The following GABRB1 variants were observed in gnomAD, a reference collection of about 807,000 sequenced individuals.
GABRB1 encodes the protein gamma-aminobutyric acid receptor subunit beta-1.
Under a neutral mutation model 51.6 loss-of-function variants are expected in GABRB1, and 17 were observed. The ratio of observed to expected loss-of-function variants is 0.33; its 90% CI spans 0.23 to 0.49. The LOEUF (loss-of-function observed/expected upper bound fraction) is 0.49, where lower values mean the gene tolerates loss of function less well. GABRB1 is among the 20% of genes least tolerant of loss of function. The pLI, the probability that GABRB1 is intolerant of heterozygous loss-of-function variation, is 0.99. For missense variants in GABRB1, 410 were observed against 600.6 expected (o/e 0.68, Z 3.32); for synonymous variants, 247 against 218.9 (o/e 1.13, Z -1.14).
At chr4:47,092,784 T>C (rs1336761319) in intron 3 of GABRB1, among the ~76,000 whole-genome samples, 1 of 151,912 alleles carries the variant, frequency 6.6e-6, no homozygotes, top group Non-Finnish European at 1.5e-5. Flanking sequence ...GCTAATTTTT[T>C]TGTGTTTTTT....
chr4:47,369,107 C>G (rs746764758), intron 5 of GABRB1, among the ~76,000 whole-genome samples: 1 of 150,314 alleles, frequency 6.7e-6, no homozygotes. Context: ...GACTCCGTCT[C>G]AATTTAAAAA....
At chr4:47,118,360 G>A (rs1715599222) in intron 3 of GABRB1, among the ~76,000 whole-genome samples, 1 of 152,148 alleles carries the variant, frequency 6.6e-6, no homozygotes, top group Non-Finnish European at 1.5e-5. Flanking sequence ...TGACTAGAAT[G>A]ATTCTATCTA....
rs887605393 is a variant in GABRB1 at position 47,022,625 on chromosome 4, G to T, written c.-19-9289G>T. On this transcript the variant is annotated intron_variant, in intron 1 of 3. Coordinates refer to the GABRB1 transcript ENST00000513567. ...ATGTCATCTCGCCCCAGTTAAAATA[G>T]CTTAGATCCAAAAGACAGGCAATAA... Among the ~76,000 whole-genome samples, 5 of 152,098 alleles carry T rather than the reference G, an allele frequency of 3.3e-5. No homozygotes were observed. The East Asian group carries it at 9.7e-4, about 29-fold the overall frequency.
At chr4:47,358,821 T>C (rs1347268477) in intron 5 of GABRB1, among the ~76,000 whole-genome samples, 2 of 152,178 alleles carry the variant, frequency 1.3e-5, no homozygotes, top group African/African-American at 2.4e-5. Context: ...TGTAACTTGA[T>C]AGAATTCTAA....
chr4:47,242,490 T>G (rs911242398), intron 4 of GABRB1, among the ~76,000 whole-genome samples: 1 of 152,228 alleles, frequency 6.6e-6, no homozygotes, highest in Non-Finnish European at 1.5e-5. Flanking sequence ...TGAACTAGCT[T>G]ACAGTCCCAG....
At chr4:47,054,485 C>T (rs1276219786) in intron 3 of GABRB1, among the ~76,000 whole-genome samples, 3 of 152,062 alleles carry the variant, frequency 2.0e-5, no homozygotes, top group Non-Finnish European at 4.4e-5. Flanking sequence ...TGAAGGACTG[C>T]GATGAAGATC....
intron 3 of GABRB1, among the ~76,000 whole-genome samples, chr4:47,140,286 A>T (rs1238715466): frequency 6.6e-6 from 1 of 152,044 alleles, no homozygotes; most frequent in Non-Finnish European, 1.5e-5. Flanking sequence ...ATCAGGTTTG[A>T]GAGTATAATA....
intron 4 of GABRB1, among the ~76,000 whole-genome samples, chr4:47,247,586 A>G (rs867721811): frequency 6.6e-6 from 1 of 152,126 alleles, no homozygotes; most frequent in Non-Finnish European, 1.5e-5. Context: ...TGGGGATTGC[A>G]TTGAATTTGT....
intron 4 of GABRB1, among the ~76,000 whole-genome samples, chr4:47,289,376 C>T (rs1723641730): frequency 6.6e-6 from 1 of 152,116 alleles, no homozygotes; most frequent in South Asian, 2.1e-4. Flanking sequence ...TAGTTGTAGT[C>T]AAACCTGAAA....
At chr4:47,092,157 CTTTCTTTCTTTTTTT>C (rs1470970671) in intron 3 of GABRB1, among the ~76,000 whole-genome samples, 2 of 99,768 alleles carry the variant, frequency 2.0e-5, no homozygotes, top group African/African-American at 4.5e-5. Flanking sequence ...TTCTTTCTTT[CTTTCTTTCTTTTTTT>C]TTTTTTTTTT....
intron 5 of GABRB1, among the ~76,000 whole-genome samples, chr4:47,344,308 T>C (rs578164702): frequency 6.6e-6 from 1 of 152,310 alleles, no homozygotes; most frequent in South Asian, 2.1e-4. Context: ...CAACAATTAG[T>C]TGTAGAATAT....
intron 3 of GABRB1, among the ~76,000 whole-genome samples, chr4:47,048,542 T>C (rs1007459043): frequency 6.6e-6 from 1 of 152,188 alleles, no homozygotes; most frequent in Non-Finnish European, 1.5e-5. Flanking sequence ...TTCAAGTCTA[T>C]CTGTACTTTT....
At chr4:47,323,540 A>G (rs571274030) in intron 5 of GABRB1, among the ~76,000 whole-genome samples, 2 of 152,312 alleles carry the variant, frequency 1.3e-5, no homozygotes, top group Admixed American at 1.3e-4. Context: ...ACAGTGTATC[A>G]AGACTATACT....
chr4:47,025,457 G>C (rs1725061960), intron 1 of GABRB1, among the ~76,000 whole-genome samples: 1 of 151,820 alleles, frequency 6.6e-6, no homozygotes, highest in Non-Finnish European at 1.5e-5. Flanking sequence ...ATTGTATTGT[G>C]ATTTCGATTT....
intron 3 of GABRB1, among the ~76,000 whole-genome samples, chr4:47,106,721 A>G (rs1714987152): frequency 6.6e-6 from 1 of 151,846 alleles, no homozygotes; most frequent in Admixed American, 6.6e-5. Context: ...GACTCATATT[A>G]CTCAGAAGCC....
At chr4:47,336,914 A>G (rs1487773654) in intron 5 of GABRB1, among the ~76,000 whole-genome samples, 1 of 152,220 alleles carries the variant, frequency 6.6e-6, no homozygotes. Context: ...GGTGAAATGC[A>G]GGAAATGATC....
chr4:47,243,258 TAAA>T (rs1184634627), intron 4 of GABRB1, among the ~76,000 whole-genome samples: 1 of 152,170 alleles, frequency 6.6e-6, no homozygotes, highest in African/African-American at 2.4e-5. Context: ...TCTGTTTTGG[TAAA>T]AAGTACCATG....
intron 4 of GABRB1, among the ~76,000 whole-genome samples, chr4:47,173,500 A>C (rs1405831015): frequency 6.6e-6 from 1 of 152,230 alleles, no homozygotes; most frequent in Non-Finnish European, 1.5e-5. Flanking sequence ...ACAAGGCTTA[A>C]TGGCACAAAA....
intron 4 of GABRB1, among the ~76,000 whole-genome samples, chr4:47,168,121 A>G (rs1336243924): frequency 6.6e-6 from 1 of 152,168 alleles, no homozygotes; most frequent in Non-Finnish European, 1.5e-5. Flanking sequence ...TGGCAATTGT[A>G]TCATGAAATT....
Sources: allele counts gnomAD v4.1 joint callset (sites outside exome capture counted in the v4.1 genomes callset), GRCh38; gene constraint gnomAD v4.1.1; transcripts MANE v1.5; gene names NCBI Gene and HGNC (gene_info 2026-07-23, HGNC 2026-07-21).